The following RABGEF1 variants were observed in gnomAD, a reference collection of about 807,000 sequenced individuals.
RABGEF1 encodes RAB guanine nucleotide exchange factor 1.
A neutral mutation model predicts 57.3 loss-of-function variants in RABGEF1; 26 were observed. The observed-to-expected ratio is 0.45, with a 90% confidence interval of 0.33 to 0.63. RABGEF1 has a LOEUF of 0.63. Among genes scored for constraint, RABGEF1 ranks in the 20% least tolerant of loss-of-function variants. RABGEF1 has a pLI of 0.02. For synonymous variants in RABGEF1, 185 were observed against 210.7 expected, an observed-to-expected ratio of 0.88 and a Z score of 1.06; for missense variants, 464 against 607.6, an observed-to-expected ratio of 0.76 and a Z score of 2.48.
At chr7:66,654,825 G>T in the RABGEF1 span, among the ~76,000 whole-genome samples, 2 of 152,218 alleles carry the variant, frequency 1.3e-5, no homozygotes, top group Non-Finnish European at 2.9e-5. Flanking sequence ...GTTCCAGGCC[G>T]CCCTCGGCTC....
upstream of RABGEF1, among the ~76,000 whole-genome samples, chr7:66,680,089 G>GT (rs1053697650): frequency 1.3e-5 from 2 of 152,176 alleles, no homozygotes; most frequent in African/African-American, 4.8e-5. Flanking sequence ...TTAGAGAATG[G>GT]TGTGTTGCCT....
rs1210684901 is a variant in RABGEF1, at chr7:66,811,445, A to G, written c.*2161A>G. The G allele has an allele frequency of 6.5e-6, 1 of 152,708 alleles. No individual in the cohort carries two copies. Among genetic ancestry groups the G allele is most frequent in the Admixed American group, 6.5e-5 (1 of 15,284 alleles). 9.5% of individuals were successfully genotyped at this position (152,708 alleles called of 1,614,324 possible). A position where few individuals can be genotyped will look rare whatever the true frequency, so the allele number is the denominator to read the frequency against. On this transcript the variant is annotated 3_prime_UTR_variant, in exon 9 of 9. Transcript: ENST00000284957. ...AATTCTTTATCAATAAAGTTTCACA[A>G]TCCGTCCCTCTTCCAAAAATTGATT...
intron 1 of RABGEF1, among the ~76,000 whole-genome samples, chr7:66,743,278 C>G (rs188010898): frequency 4.0e-5 from 6 of 151,248 alleles, no homozygotes; most frequent in Admixed American, 4.0e-4. Flanking sequence ...CCAATGCACT[C>G]CAGCCTGGGC....
chr7:66,675,101 C>G, the RABGEF1 span, among the ~76,000 whole-genome samples: 1 of 152,220 alleles, frequency 6.6e-6, no homozygotes, highest in African/African-American at 2.4e-5. Flanking sequence ...CAGCGATTTT[C>G]TAATCACTTA....
In RABGEF1 at chr7:66,756,064, T is replaced by C. The variant is rs1310728578; in HGVS notation, c.-18+15272T>C. On this transcript the variant is annotated intron_variant, in intron 1 of 8. Coordinates refer to ENST00000284957, the MANE Select transcript of RABGEF1 (RefSeq NM_014504.3). ...AGTCTTTTATTAGAATGATGGCGTC[T>C]TCATACCATGAAGGTGAGTACTGAA... is the stretch of plus-strand genomic sequence containing the variant. 4.7e-6 allele frequency: 7 copies of C among 1,504,504 alleles called. No homozygotes were observed. The South Asian group carries it at 9.1e-5, about 20-fold the overall frequency. 93.2% of individuals were successfully genotyped at this position (1,504,504 alleles called of 1,614,324 possible).
intron 1 of RABGEF1, among the ~76,000 whole-genome samples, chr7:66,758,352 A>T (rs1001948819): frequency 6.6e-6 from 1 of 152,198 alleles, no homozygotes; most frequent in Non-Finnish European, 1.5e-5. Flanking sequence ...CCTAGCGCCG[A>T]GGCACAATTT....
At chr7:66,753,700 C>CTTTTTTTTTT (rs1562788670) in intron 1 of RABGEF1, among the ~76,000 whole-genome samples, 73 of 78,522 alleles carry the variant, frequency 9.3e-4, no homozygotes, top group Admixed American at 2.1e-3. Flanking sequence ...ATTTTGCCAT[C>CTTTTTTTTTT]GTTTTTTTTT....
At chr7:66,733,330 A>G (rs1163073141) in intron 2 of RABGEF1, among the ~76,000 whole-genome samples, 2 of 152,182 alleles carry the variant, frequency 1.3e-5, no homozygotes, top group African/African-American at 2.4e-5. Flanking sequence ...CTGTGCACCA[A>G]TGTGACACTG....
At chr7:66,747,427 A>G (rs899464090) in intron 1 of RABGEF1, among the ~76,000 whole-genome samples, 5 of 152,210 alleles carry the variant, frequency 3.3e-5, no homozygotes, top group Admixed American at 6.5e-5. Context: ...GAGGAATTGT[A>G]CAAAGACCTT....
At chr7:66,806,419 C>T (rs75586829) in intron 8 of RABGEF1, among the ~76,000 whole-genome samples, 2,175 of 152,248 alleles carry the variant, frequency 0.014, 26 homozygotes, top group Middle Eastern at 0.027. Context: ...CCCCATCACT[C>T]ATCACCCTCC....
chr7:66,687,059 G>T (rs919327036), intron 1 of RABGEF1, among the ~76,000 whole-genome samples: 1 of 147,278 alleles, frequency 6.8e-6, no homozygotes, highest in African/African-American at 2.5e-5. Flanking sequence ...CTGACCTCGT[G>T]ATCTGCCAGC....
At chr7:66,753,712 T>G (rs959579772) in intron 1 of RABGEF1, among the ~76,000 whole-genome samples, 1 of 142,996 alleles carries the variant, frequency 7.0e-6, no homozygotes, top group African/African-American at 2.6e-5. Context: ...TTTTTTTTTT[T>G]TTTTTTTTTT....
chr7:66,680,824 G>A (rs2116997917), upstream of RABGEF1, among the ~76,000 whole-genome samples: 1 of 151,984 alleles, frequency 6.6e-6, no homozygotes, highest in South Asian at 2.1e-4. Flanking sequence ...GCTCACACCT[G>A]TAATCCTAGC....
At chr7:66,685,971 C>A (rs1562691964) in intron 1 of RABGEF1, among the ~76,000 whole-genome samples, 1 of 152,102 alleles carries the variant, frequency 6.6e-6, no homozygotes, top group Non-Finnish European at 1.5e-5. Context: ...GGCTTCTTAG[C>A]CCATCAGTGA....
intron 2 of RABGEF1, among the ~76,000 whole-genome samples, chr7:66,734,257 G>T (rs1011528500): frequency 6.6e-6 from 1 of 152,176 alleles, no homozygotes; most frequent in African/African-American, 2.4e-5. Flanking sequence ...ATCGGTGTCT[G>T]ATGGAGGCAA....
At position 66,799,316 on chromosome 7, in the gene RABGEF1, T is replaced by C; in HGVS notation, c.729-7T>C. ...GGAGCTCTTGTTTACTGTCTCTCTC[T>C]CTTTAGAGCCCTGCGCTGGGTTACG... On this transcript the variant is annotated splice_region_variant and splice_polypyrimidine_tract_variant and intron_variant, in intron 6 of 8. Coordinates refer to ENST00000284957, the MANE Select transcript of RABGEF1 (RefSeq NM_014504.3). 1.3e-6 allele frequency: 2 copies of C among 1,588,614 alleles called. No homozygotes were observed. The highest frequency in any genetic ancestry group is 1.7e-6 in the Non-Finnish European group (2 of 1,157,274).
rs768567719 is a variant in RABGEF1, at chr7:66,809,160, A to G, written c.1352A>G (p.Asp451Gly). Residue 451 changes from aspartate (D) to glycine (G), a missense_variant, in exon 9 of 9, where the codon GAC (aspartate) becomes GGC (glycine). Asp to Gly is a moderately conservative substitution (Grantham distance 94, BLOSUM62 -1). Transcript: ENST00000284957. The stretch of plus-strand genomic sequence containing the variant: ...GATGGAATTGCAAGAGAAGTTCAAG[A>G]CATCGTTGAGAAATACCCACTGGAA... ...WTDGIAREVQ[D>G]IVEKYPLEIK... 2 of 1,614,136 alleles carry G rather than the reference A, an allele frequency of 1.2e-6. No homozygotes were observed. Among genetic ancestry groups the G allele is most frequent in the African/African-American group, 2.7e-5 (2 of 74,938 alleles).
chr7:66,678,925 C>T (rs1045522937), upstream of RABGEF1, among the ~76,000 whole-genome samples: 3 of 152,176 alleles, frequency 2.0e-5, no homozygotes, highest in Non-Finnish European at 2.9e-5. Context: ...AAAGTACTCA[C>T]GTGGCATGAT....
chr7:66,773,076 G>GTTTTTTTTTTTTT (rs1807582875), intron 2 of RABGEF1, among the ~76,000 whole-genome samples: 1 of 118,668 alleles, frequency 8.4e-6, no homozygotes. Context: ...CCTCTAGCTA[G>GTTTTTTTTTTTTT]TTGTTTGTTT....
Sources: gnomAD v4.1 joint callset for allele counts (sites outside exome capture counted in the v4.1 genomes callset) on GRCh38, gnomAD v4.1.1 for gene constraint, MANE v1.5 for transcripts, NCBI Gene and HGNC (gene_info 2026-07-23, HGNC 2026-07-21) for gene names.